The following MROH7 variants were observed in gnomAD, a reference collection of about 807,000 sequenced individuals.
The protein encoded by MROH7 is maestro heat-like repeat-containing protein family member 7.
Under a neutral mutation model 129.2 loss-of-function variants are expected in MROH7, and 113 were observed. The ratio of observed to expected loss-of-function variants is 0.87; its 90% CI spans 0.75 to 1.02. The LOEUF is 1.02. Among genes scored for constraint, MROH7 ranks in the 50% least tolerant of loss-of-function variants. MROH7 has a pLI of 0.00. For missense variants in MROH7, 1,601 were observed against 1,671.3 expected, an observed-to-expected ratio of 0.96 and a Z score of 0.73; for synonymous variants, 655 against 667.9, an observed-to-expected ratio of 0.98 and a Z score of 0.30.
intron 7 of MROH7, among the ~76,000 whole-genome samples, chr1:54,672,036 G>C (rs564503610): frequency 2.9e-4 from 44 of 152,192 alleles, no homozygotes; most frequent in Non-Finnish European, 5.7e-4. Flanking sequence ...AGCATTCCAG[G>C]CAGAGGATGA....
In MROH7 at chr1:54,679,919, T is replaced by G; in HGVS notation, c.2255T>G (p.Met752Arg). Residue 752 changes from methionine (M) to arginine (R), a missense_variant, in exon 13 of 24, where the codon ATG (methionine) becomes AGG (arginine). Transcript: ENST00000421030. Reference protein sequence around the residue: ...VIPEIMQGIYMQLSHIQEPRA... With the variant: ...VIPEIMQGIYRQLSHIQEPRA... ...CCAGAAATCATGCAAGGCATCTACA[T>G]GCAGCTGAGCCACATCCAGGAGCCT... 1 of 1,612,958 alleles carries G rather than the reference T, an allele frequency of 6.2e-7. No homozygotes were observed. Among genetic ancestry groups the G allele is most frequent in the Non-Finnish European group, 8.5e-7 (1 of 1,179,814 alleles).
At chr1:54,657,066 T>C (rs976585611) in intron 3 of MROH7, among the ~76,000 whole-genome samples, 1 of 150,158 alleles carries the variant, frequency 6.7e-6, no homozygotes, top group South Asian at 2.1e-4. Context: ...TTTTTTTTTT[T>C]AGACATGATC....
At chr1:54,676,762 G>T (rs983013528) in intron 10 of MROH7, among the ~76,000 whole-genome samples, 5 of 150,714 alleles carry the variant, frequency 3.3e-5, no homozygotes, top group African/African-American at 1.2e-4. Flanking sequence ...AGGCTGGAGT[G>T]CAGTGGTGCG....
chr1:54,682,184 G>A (rs1272016229), intron 13 of MROH7, among the ~76,000 whole-genome samples: 9 of 141,846 alleles, frequency 6.3e-5, no homozygotes, highest in African/African-American at 2.1e-4. Context: ...TTTTGAAGAT[G>A]GAGTTTCGCT....
chr1:54,704,916 CA>C (rs1264076463), intron 21 of MROH7, among the ~76,000 whole-genome samples: 1 of 148,336 alleles, frequency 6.7e-6, no homozygotes, highest in Non-Finnish European at 1.5e-5. Flanking sequence ...TCTCCTGCCT[CA>C]ACCTCCTGCG....
chr1:54,683,596 G>T (rs1645103954), intron 14 of MROH7, among the ~76,000 whole-genome samples: 1 of 152,164 alleles, frequency 6.6e-6, no homozygotes, highest in Non-Finnish European at 1.5e-5. Flanking sequence ...TGATGGTTTT[G>T]CATTGCCCCT....
chr1:54,650,726 A>ATTT (rs60505412), intron 1 of MROH7, among the ~76,000 whole-genome samples: 3 of 137,468 alleles, frequency 2.2e-5, no homozygotes, highest in African/African-American at 8.0e-5. Context: ...CGCCATCCCG[A>ATTT]TTTTTTTTTT....
rs1645461056 is a variant in MROH7, at chr1:54,702,736, C to T, written c.3555C>T (p.Cys1185=). 3 of 1,612,364 alleles carry T rather than the reference C, an allele frequency of 1.9e-6. No homozygotes were observed. The highest frequency in any genetic ancestry group is 3.4e-5 in the Admixed American group (2 of 59,670). The change falls in exon 21 of 24, where the codon TGC becomes TGT. Residue 1185 remains cysteine (C), a synonymous_variant. Coordinates refer to ENST00000421030, the MANE Select transcript of MROH7 (RefSeq NM_001039464.4). ...AACAGCAGACAGTGGCCAAAATTTG[C>T]AAGTGCCTTGTGAGTGCTCCCAGAG... ...DNQQQTVAKI[C]KCLVNTHRDS...
chr1:54,669,344 C>T (rs1162345970), intron 5 of MROH7, among the ~76,000 whole-genome samples: 3 of 152,168 alleles, frequency 2.0e-5, no homozygotes, highest in East Asian at 1.9e-4. Flanking sequence ...AGTCACTCCA[C>T]CAGAATGGAC....
chr1:54,670,688 G>A (rs1404488315), intron 6 of MROH7, 112 bp downstream of exon 6: 22 of 222,634 alleles, frequency 9.9e-5, no homozygotes, highest in South Asian at 3.9e-4. Context: ...CCCCTCGCCC[G>A]GTGCCTTTTC....
At chr1:54,697,843 A>T (rs1372827734) in intron 17 of MROH7, 1 of 547,460 alleles carries the variant, frequency 1.8e-6, no homozygotes, top group African/African-American at 1.9e-5. Flanking sequence ...CTTGCAGGAG[A>T]GGAGGGAGGG....
chr1:54,662,194 TG>T (rs1644742458), intron 3 of MROH7, among the ~76,000 whole-genome samples: 1 of 152,058 alleles, frequency 6.6e-6, no homozygotes. Flanking sequence ...CACTCCAGCC[TG>T]GATGACAGAG....
Position 54,670,880 on chromosome 1 carries a change from C to G in MROH7, c.1550C>G (p.Ser517Cys). 6.2e-7 allele frequency: 1 copy of G among 1,612,726 alleles called. No individual in the cohort carries two copies. Among genetic ancestry groups the G allele is most frequent in the Non-Finnish European group, 8.5e-7 (1 of 1,179,544 alleles). The change falls in exon 7 of 24, where the codon TCC becomes TGC. Residue 517 changes from serine (S) to cysteine (C), a missense_variant. Ser to Cys is a moderately radical substitution (Grantham distance 112, BLOSUM62 -1). Transcript: ENST00000421030. ...VCVHSVFSLP[S>C]VQAMQEKDEA... ...GTGCACAGCGTGTTCTCCCTGCCCT[C>G]CGTGCAGGCGATGCAGGAGAAGGAC...
At chr1:54,659,067 T>A in intron 3 of MROH7, 1 of 432,594 alleles carries the variant, frequency 2.3e-6, no homozygotes, top group South Asian at 1.6e-5. Flanking sequence ...ATACTGTATT[T>A]ACTGTGTGTG....
intron 4 of MROH7, among the ~76,000 whole-genome samples, chr1:54,667,906 C>G (rs1430633205): frequency 6.6e-6 from 1 of 152,196 alleles, no homozygotes; most frequent in Non-Finnish European, 1.5e-5. Flanking sequence ...GCTGTGACTG[C>G]ATCACTGCAT....
At chr1:54,665,457 G>A (rs1644798967) in intron 4 of MROH7, among the ~76,000 whole-genome samples, 1 of 152,160 alleles carries the variant, frequency 6.6e-6, no homozygotes. Flanking sequence ...CATTACTCGG[G>A]CATTTTTGTC....
At chr1:54,644,079 A>G (rs1415692062) in intron 1 of MROH7, among the ~76,000 whole-genome samples, 1 of 151,910 alleles carries the variant, frequency 6.6e-6, no homozygotes, top group African/African-American at 2.4e-5. Flanking sequence ...AGTTTTCTGG[A>G]TCTGTATATT....
chr1:54,657,894 C>T (rs902900607), intron 3 of MROH7, among the ~76,000 whole-genome samples: 1 of 152,072 alleles, frequency 6.6e-6, no homozygotes, highest in Non-Finnish European at 1.5e-5. Flanking sequence ...CTCCTGACCT[C>T]AGGTGATCCA....
chr1:54,700,646 A>G (rs1645420867), intron 18 of MROH7, among the ~76,000 whole-genome samples, 185 bp downstream of exon 18: 1 of 152,252 alleles, frequency 6.6e-6, no homozygotes, highest in South Asian at 2.1e-4. Context: ...TTCCTTTTGA[A>G]TAGTTTCTAA....
Sources: allele counts gnomAD v4.1 joint callset (sites outside exome capture counted in the v4.1 genomes callset), GRCh38; gene constraint gnomAD v4.1.1; transcripts MANE v1.5; gene names NCBI Gene and HGNC (gene_info 2026-07-23, HGNC 2026-07-21).